Variants in PPM1H observed in about 807,000 individuals in gnomAD.
PPM1H encodes protein phosphatase 1H.
Under a neutral mutation model 54.9 loss-of-function variants are expected in PPM1H, and 27 were observed. The observed-to-expected ratio is 0.49, with a 90% CI of 0.36 to 0.68. The LOEUF (loss-of-function observed/expected upper bound fraction) is 0.68, where lower values mean the gene tolerates loss of function less well. Among genes scored for constraint, PPM1H ranks in the 30% least tolerant of loss-of-function variants. The pLI is 0.00. For synonymous variants in PPM1H, 305 were observed against 270.8 expected (o/e 1.13, Z -1.24); for missense variants, 596 against 667.8 (o/e 0.89, Z 1.19).
chr12:62,907,064 C>T (rs993641564), intron 1 of PPM1H, among the ~76,000 whole-genome samples: 5 of 152,230 alleles, frequency 3.3e-5, no homozygotes, highest in Admixed American at 6.5e-5. Flanking sequence ...TCGATCACCT[C>T]CAAATCTTTG....
At chr12:62,780,574 G>A (rs1216722712) in intron 4 of PPM1H, among the ~76,000 whole-genome samples, 1 of 152,170 alleles carries the variant, frequency 6.6e-6, no homozygotes, top group Non-Finnish European at 1.5e-5. Flanking sequence ...CTAAAGTGCT[G>A]GGATTACAGA....
chr12:62,727,959 C>A (rs2076299039), intron 5 of PPM1H, among the ~76,000 whole-genome samples: 1 of 151,912 alleles, frequency 6.6e-6, no homozygotes, highest in African/African-American at 2.4e-5. Context: ...CCACGCCCAG[C>A]CTTAAAATGC....
At chr12:62,778,408 T>C (rs137886103) in intron 4 of PPM1H, among the ~76,000 whole-genome samples, 52 of 152,286 alleles carry the variant, frequency 3.4e-4, no homozygotes, top group African/African-American at 1.1e-3. Context: ...AGAAATGTTG[T>C]GTGTCTCTAC....
At chr12:62,667,065 C>A (rs944654802) in intron 9 of PPM1H, 113 bp downstream of exon 9, 1 of 1,214,488 alleles carries the variant, frequency 8.2e-7, no homozygotes, top group East Asian at 2.5e-5. Context: ...GTTACTGTAC[C>A]GTCCATATCA....
intron 1 of PPM1H, among the ~76,000 whole-genome samples, chr12:62,894,197 G>C (rs889205019): frequency 2.0e-5 from 3 of 152,146 alleles, no homozygotes. Context: ...CACTAAGTTG[G>C]GAGTGTTTTA....
intron 1 of PPM1H, among the ~76,000 whole-genome samples, chr12:62,840,533 A>G (rs539230745): frequency 3.9e-5 from 6 of 152,312 alleles, no homozygotes; most frequent in African/African-American, 1.4e-4. Flanking sequence ...GCAAGTCAAC[A>G]AAAGAAGAGT....
At chr12:62,878,065 T>G (rs1158714650) in intron 1 of PPM1H, among the ~76,000 whole-genome samples, 2 of 151,980 alleles carry the variant, frequency 1.3e-5, no homozygotes, top group Non-Finnish European at 2.9e-5. Flanking sequence ...GCCCGGCTAA[T>G]TTTTTGTATT....
intron 1 of PPM1H, among the ~76,000 whole-genome samples, chr12:62,859,615 T>C (rs1869524754): frequency 6.6e-6 from 1 of 152,210 alleles, no homozygotes. Context: ...TTTATACTGC[T>C]TATTGTCTTA....
chr12:62,680,472 A>C (rs967561648), intron 8 of PPM1H, among the ~76,000 whole-genome samples: 1 of 152,050 alleles, frequency 6.6e-6, no homozygotes, highest in African/African-American at 2.4e-5. Flanking sequence ...ACGTGCCACC[A>C]TGCCTATCTG....
intron 1 of PPM1H, among the ~76,000 whole-genome samples, chr12:62,927,330 C>T (rs1339841184): frequency 2.0e-5 from 3 of 152,088 alleles, no homozygotes; most frequent in African/African-American, 7.2e-5. Context: ...GAATGGGAAG[C>T]CCTTCAATGG....
chr12:62,832,520 C>T (rs1868382883), intron 1 of PPM1H, among the ~76,000 whole-genome samples: 1 of 152,238 alleles, frequency 6.6e-6, no homozygotes, highest in Non-Finnish European at 1.5e-5. Flanking sequence ...TGTTCACCCA[C>T]AGGTGTCTGA....
At chr12:62,742,970 G>A (rs77949049) in intron 4 of PPM1H, among the ~76,000 whole-genome samples, 3,321 of 152,254 alleles carry the variant, frequency 0.022, 110 homozygotes, top group African/African-American at 0.074. Context: ...CGTTATTTGC[G>A]ATACAATGAA....
At chr12:62,659,998 G>T (rs955418198) in intron 9 of PPM1H, among the ~76,000 whole-genome samples, 1 of 152,188 alleles carries the variant, frequency 6.6e-6, no homozygotes, top group African/African-American at 2.4e-5. Context: ...GGCTACATAT[G>T]GAGAAATAGG....
intron 2 of PPM1H, among the ~76,000 whole-genome samples, chr12:62,816,989 C>T (rs2076869898): frequency 1.3e-5 from 2 of 151,142 alleles, no homozygotes; most frequent in Non-Finnish European, 2.9e-5. Flanking sequence ...CAATAAGGGG[C>T]CTTTAAAGGG....
In PPM1H at chr12:62,667,319, T is replaced by C. The variant is rs2075925097; in HGVS notation, c.1256A>G (p.Tyr419Cys). The C allele has an allele frequency of 1.9e-6, 3 of 1,594,950 alleles. No individual in the cohort carries two copies. Among genetic ancestry groups the C allele is most frequent in the Non-Finnish European group, 2.6e-6 (3 of 1,169,840 alleles). ...TCCATGATCATATTTTGAAAGATCG[T>C]AGATTCTTACCTGAAAAAAAACAAG... ...FLSSAPEVRI[Y>C]DLSKYDHGSD... The change falls in exon 9 of 10, where the codon TAC becomes TGC. Residue 419 changes from tyrosine to cysteine, a missense_variant. Tyr to Cys is a radical substitution (Grantham distance 194). Coordinates refer to ENST00000228705, the MANE Select transcript of PPM1H (RefSeq NM_020700.2).
chr12:62,837,938 A>G (rs1029998173), intron 1 of PPM1H, among the ~76,000 whole-genome samples: 2 of 152,160 alleles, frequency 1.3e-5, no homozygotes, highest in Non-Finnish European at 2.9e-5. Context: ...ACTTCCCAGA[A>G]CAGGGACCTC....
rs777462452 is a variant in PPM1H at position 62,832,100 on chromosome 12, G to A, written c.411+14C>T. The A allele has an allele frequency of 2.9e-5, 47 of 1,612,542 alleles. No individual in the cohort carries two copies. Among genetic ancestry groups the A allele is most frequent in the South Asian group, 5.5e-5 (5 of 90,982 alleles). ...TCTTCTCACCTGAGAACCAAGGATC[G>A]AGAAGGGTCTTACCGAGTTCTCCTT... On this transcript the variant is annotated intron_variant, in intron 2 of 9. Coordinates refer to ENST00000228705, the MANE Select transcript of PPM1H (RefSeq NM_020700.2).
At chr12:62,736,208 G>A (rs73127944) in intron 5 of PPM1H, among the ~76,000 whole-genome samples, 3,304 of 152,260 alleles carry the variant, frequency 0.022, 56 homozygotes, top group East Asian at 0.066. Flanking sequence ...GCCCTTGGTG[G>A]CCCTATCGTC....
chr12:62,763,193 C>T (rs1317096432), intron 4 of PPM1H, among the ~76,000 whole-genome samples: 1 of 152,204 alleles, frequency 6.6e-6, no homozygotes, highest in Non-Finnish European at 1.5e-5. Context: ...TCATCTCTTG[C>T]CTGCCCACAC....
Sources: allele counts gnomAD v4.1 joint callset (sites outside exome capture counted in the v4.1 genomes callset), GRCh38; gene constraint gnomAD v4.1.1; transcripts MANE v1.5; gene names NCBI Gene and HGNC (gene_info 2026-07-23, HGNC 2026-07-21).